CASP6: variants seen among roughly 807,000 people sequenced by gnomAD.
CASP6 encodes the protein caspase 6.
CASP6 carries 20 observed loss-of-function variants against 31.8 expected under a neutral mutation model. The ratio of observed to expected loss-of-function variants is 0.63; its 90% CI spans 0.44 to 0.91. The LOEUF is 0.91. Ranked by LOEUF, CASP6 falls within the 40% of genes least tolerant of loss-of-function variation. CASP6 has a pLI of 0.00. For missense variants in CASP6, 328 were observed against 361.1 expected (o/e 0.91, Z 0.74); for synonymous variants, 130 against 127.8 (o/e 1.02, Z -0.12).
intron 1 of CASP6, among the ~76,000 whole-genome samples, chr4:109,699,401 T>G (rs1178332572): frequency 6.6e-6 from 1 of 151,612 alleles, no homozygotes; most frequent in African/African-American, 2.4e-5. Flanking sequence ...TAACCTCACT[T>G]CTCCTCAAAA....
upstream of CASP6, among the ~76,000 whole-genome samples, chr4:109,706,160 T>TATATAC (rs1554022982): frequency 1.1e-5 from 1 of 93,662 alleles, no homozygotes; most frequent in Non-Finnish European, 1.9e-5. Context: ...TATATATATA[T>TATATAC]ATATATATAT....
the CASP6 span, among the ~76,000 whole-genome samples, chr4:109,672,829 C>T: frequency 6.6e-6 from 1 of 152,132 alleles, no homozygotes; most frequent in Non-Finnish European, 1.5e-5. Flanking sequence ...TGACTTGCTC[C>T]CTCTCCCCCT....
At chr4:109,672,017 G>T in the CASP6 span, among the ~76,000 whole-genome samples, 2 of 151,926 alleles carry the variant, frequency 1.3e-5, no homozygotes, top group African/African-American at 2.4e-5. Context: ...TAAAACTGGA[G>T]CCCTGTTAAT....
At chr4:109,668,095 G>C in the CASP6 span, among the ~76,000 whole-genome samples, 23 of 152,142 alleles carry the variant, frequency 1.5e-4, no homozygotes, top group African/African-American at 5.1e-4. Flanking sequence ...CTGTGAACTT[G>C]AGAATGTGTA....
downstream of CASP6, chr4:109,688,323 G>C (rs1404149349): frequency 3.3e-5 from 5 of 152,130 alleles, no homozygotes; most frequent in Non-Finnish European, 5.9e-5. Flanking sequence ...TAATGTGATT[G>C]TGTGTGAATG....
At chr4:109,695,208 T>G (rs1181566701) in intron 4 of CASP6, among the ~76,000 whole-genome samples, 1 of 152,172 alleles carries the variant, frequency 6.6e-6, no homozygotes, top group Non-Finnish European at 1.5e-5. Flanking sequence ...CTGTATCTTA[T>G]TTTTTTAAAA....
chr4:109,683,315 G>A, the CASP6 span: 1 of 152,180 alleles, frequency 6.6e-6, no homozygotes, highest in African/African-American at 2.4e-5. Flanking sequence ...AGGTATATGT[G>A]TATCTTTGAA....
intron 5 of CASP6, chr4:109,692,547 C>G (rs761504290): frequency 2.6e-5 from 4 of 152,234 alleles, no homozygotes; most frequent in Non-Finnish European, 4.4e-5. Context: ...TTTCACAAAA[C>G]AATCATGTCA....
chr4:109,689,603 T>C (rs772092187), intron 6 of CASP6, 35 bp from the exon 7 acceptor site: 1 of 1,584,008 alleles, frequency 6.3e-7, no homozygotes, highest in Admixed American at 1.7e-5. Flanking sequence ...TGCTGCAGTT[T>C]TCTGGCTTTC....
the CASP6 span, among the ~76,000 whole-genome samples, chr4:109,667,331 A>C: frequency 2.0e-5 from 3 of 151,938 alleles, no homozygotes; most frequent in South Asian, 6.2e-4. Flanking sequence ...CCTTTTAGAG[A>C]ATTAATCTAT....
At chr4:109,698,086 T>G (rs530067678) in intron 2 of CASP6, among the ~76,000 whole-genome samples, 1 of 152,288 alleles carries the variant, frequency 6.6e-6, no homozygotes, top group South Asian at 2.1e-4. Flanking sequence ...GCTCATGCCA[T>G]GCCAATTAAT....
At position 109,703,341 on chromosome 4, in the gene CASP6, A is replaced by C; in HGVS notation, c.40+15T>G. 6.2e-7 allele frequency: 1 copy of C among 1,605,916 alleles called. No homozygotes were observed. The highest frequency in any genetic ancestry group is 8.5e-7 in the Non-Finnish European group (1 of 1,176,766). On this transcript the variant is annotated intron_variant, in intron 1 of 6. Coordinates refer to ENST00000265164, the MANE Select transcript of CASP6 (RefSeq NM_001226.4). ...CGCAGACCTGCTCGGTGCCCAGTCG[A>C]CGCCCCCTGCCTACCTGCCGGGTGC...
the CASP6 span, among the ~76,000 whole-genome samples, chr4:109,669,785 C>T: frequency 6.6e-6 from 1 of 151,168 alleles, no homozygotes; most frequent in Non-Finnish European, 1.5e-5. Context: ...ATTCTTTCTT[C>T]AGCTATGTTT....
intron 1 of CASP6, among the ~76,000 whole-genome samples, chr4:109,700,015 G>A (rs939725729): frequency 3.3e-5 from 5 of 152,128 alleles, no homozygotes; most frequent in African/African-American, 1.2e-4. Context: ...TGTCCTCCTC[G>A]GTGGCAGCAG....
chr4:109,696,383 G>T (rs1188244162), intron 4 of CASP6, 27 bp downstream of exon 4: 5 of 1,531,132 alleles, frequency 3.3e-6, no homozygotes, highest in Non-Finnish European at 4.5e-6. Context: ...AGAGGAAGAT[G>T]AACTATATGA....
At chr4:109,677,076 G>C in the CASP6 span, among the ~76,000 whole-genome samples, 1 of 152,218 alleles carries the variant, frequency 6.6e-6, no homozygotes, top group Non-Finnish European at 1.5e-5. Flanking sequence ...AGATTTTGAG[G>C]ACCTAACCCC....
At chr4:109,676,289 G>C in the CASP6 span, among the ~76,000 whole-genome samples, 1 of 152,090 alleles carries the variant, frequency 6.6e-6, no homozygotes, top group Non-Finnish European at 1.5e-5. Context: ...CTATAATCCC[G>C]GCACTTTAGG....
chr4:109,664,425 T>A, the CASP6 span: 1 of 779,216 alleles, frequency 1.3e-6, no homozygotes, highest in Non-Finnish European at 2.1e-6. Context: ...ACTATTACTT[T>A]TTTTTTTTTT....
In CASP6 at chr4:109,689,299, A is replaced by G. The variant is rs1729948932; in HGVS notation, c.*31T>C. 1 of 1,597,446 alleles carries G rather than the reference A, an allele frequency of 6.3e-7. No individual in the cohort carries two copies. On this transcript the variant is annotated 3_prime_UTR_variant, in exon 7 of 7. Transcript: ENST00000265164. ...CCTGGCTGAGAAAGCCATTTTCAAT[A>G]CAGAGTGTAAAATTAGATAGCCTCT... is the stretch of plus-strand genomic sequence containing the variant.
Sources: allele counts gnomAD v4.1 joint callset (sites outside exome capture counted in the v4.1 genomes callset), GRCh38; gene constraint gnomAD v4.1.1; transcripts MANE v1.5; gene names NCBI Gene and HGNC (gene_info 2026-07-23, HGNC 2026-07-21).